The following OTUD7A variants were observed in gnomAD, a reference collection of about 807,000 sequenced individuals.
The protein encoded by OTUD7A is OTU domain-containing protein 7A.
A neutral mutation model predicts 65.7 loss-of-function variants in OTUD7A; 12 were observed. The ratio of observed to expected loss-of-function variants is 0.18; its 90% CI spans 0.12 to 0.30. The LOEUF (loss-of-function observed/expected upper bound fraction) is 0.30. Ranked by LOEUF, OTUD7A falls within the 10% of genes least tolerant of loss-of-function variation. The pLI is 1.00. For synonymous variants in OTUD7A, 641 were observed against 586.3 expected, an observed-to-expected ratio of 1.09 and a Z score of -1.35; for missense variants, 1,148 against 1,304.8, an observed-to-expected ratio of 0.88 and a Z score of 1.85.
intron 3 of OTUD7A, among the ~76,000 whole-genome samples, chr15:31,601,027 C>T (rs1367427433): frequency 6.6e-6 from 1 of 152,158 alleles, no homozygotes; most frequent in Non-Finnish European, 1.5e-5. Flanking sequence ...CTTAACAACC[C>T]ACTGCCAATA....
intron 1 of OTUD7A, among the ~76,000 whole-genome samples, chr15:31,747,969 TCC>T (rs1342891573): frequency 6.6e-6 from 1 of 152,140 alleles, no homozygotes; most frequent in African/African-American, 2.4e-5. Flanking sequence ...AATTAACTTG[TCC>T]ATGCTCTTGG....
intron 1 of OTUD7A, chr15:31,689,595 T>C (rs1328500280): frequency 6.6e-6 from 1 of 152,172 alleles, no homozygotes; most frequent in Non-Finnish European, 1.5e-5. Flanking sequence ...TATTAATGTT[T>C]CAAATTTTTA....
At chr15:31,683,492 T>C (rs1892766056) in intron 1 of OTUD7A, among the ~76,000 whole-genome samples, 1 of 152,224 alleles carries the variant, frequency 6.6e-6, no homozygotes, top group Non-Finnish European at 1.5e-5. Flanking sequence ...GGACAATTTA[T>C]GTGTAGTCCC....
chr15:31,806,051 A>T (rs1896261200), intron 1 of OTUD7A, among the ~76,000 whole-genome samples: 2 of 152,242 alleles, frequency 1.3e-5, no homozygotes, highest in Non-Finnish European at 2.9e-5. Context: ...ATTACATTCC[A>T]ACTAATCTAT....
At chr15:31,593,909 C>T (rs1281195042) in intron 3 of OTUD7A, among the ~76,000 whole-genome samples, 2 of 152,078 alleles carry the variant, frequency 1.3e-5, no homozygotes, top group African/African-American at 2.4e-5. Context: ...TGGAATAAAA[C>T]GTCATGCTGC....
intron 3 of OTUD7A, among the ~76,000 whole-genome samples, chr15:31,575,844 C>A (rs947065428): frequency 1.3e-5 from 2 of 152,102 alleles, no homozygotes; most frequent in Non-Finnish European, 2.9e-5. Context: ...GGACATAGTC[C>A]GTGAAGGGCA....
chr15:31,754,030 A>AT (rs1185299002), intron 1 of OTUD7A, among the ~76,000 whole-genome samples: 1 of 151,702 alleles, frequency 6.6e-6, no homozygotes, highest in African/African-American at 2.4e-5. Context: ...AACATCTACT[A>AT]TTTTTTGATT....
rs1405235367 is a variant in OTUD7A, at chr15:31,484,985, G to A, written c.1372-261C>T. ...CGTGTGTCTTCTGGCCAGGGAAGCT[G>A]GGGTGTACTCATTCTTTCTCTCTGG... On this transcript the variant is annotated intron_variant, in intron 12 of 12. Coordinates refer to ENST00000307050, the MANE Select transcript of OTUD7A (RefSeq NM_001382637.1). The surrounding 1 kb of genome is among the most constrained non-coding windows in gnomAD (Gnocchi z 4.5). Among the ~76,000 whole-genome samples, 1 of 152,206 alleles carries A rather than the reference G, an allele frequency of 6.6e-6. No homozygotes were observed. Among genetic ancestry groups the A allele is most frequent in the African/African-American group, 2.4e-5 (1 of 41,458 alleles).
chr15:31,759,507 A>G (rs1481148993), intron 1 of OTUD7A, among the ~76,000 whole-genome samples: 1 of 152,150 alleles, frequency 6.6e-6, no homozygotes, highest in Non-Finnish European at 1.5e-5. Context: ...CACCTAATAG[A>G]TCGTGGCTTA....
intron 1 of OTUD7A, among the ~76,000 whole-genome samples, chr15:31,844,492 G>A (rs561313768): frequency 5.8e-4 from 89 of 152,304 alleles, no homozygotes; most frequent in African/African-American, 1.9e-3. Flanking sequence ...GTGAGACTCC[G>A]TCTCATAAAA....
intron 3 of OTUD7A, among the ~76,000 whole-genome samples, chr15:31,604,981 C>T (rs933668775): frequency 2.0e-5 from 3 of 152,180 alleles, no homozygotes; most frequent in South Asian, 2.1e-4. Context: ...CAGAGCAGCC[C>T]GGGAGGCACA....
At chr15:31,531,520 C>CAAAAAAAAAAAAAAAAAAAAA (rs60332452) in intron 5 of OTUD7A, among the ~76,000 whole-genome samples, 2 of 80,156 alleles carry the variant, frequency 2.5e-5, no homozygotes, top group Non-Finnish European at 4.9e-5. Context: ...GAGTAGGCCA[C>CAAAAAAAAAAAAAAAAAAAAA]AAAAAAAAAA....
intron 4 of OTUD7A, among the ~76,000 whole-genome samples, chr15:31,568,248 T>C (rs1211127583): frequency 6.6e-6 from 1 of 152,172 alleles, no homozygotes; most frequent in Non-Finnish European, 1.5e-5. Flanking sequence ...GTCTTGGGAG[T>C]CCACCTCTTG....
chr15:31,565,801 C>G (rs1888850608), intron 4 of OTUD7A, among the ~76,000 whole-genome samples: 1 of 152,176 alleles, frequency 6.6e-6, no homozygotes, highest in South Asian at 2.1e-4. Context: ...GAATAACTCT[C>G]TCTCAATCCA....
chr15:31,537,980 G>A (rs1378411904), intron 5 of OTUD7A, among the ~76,000 whole-genome samples: 1 of 152,206 alleles, frequency 6.6e-6, no homozygotes, highest in Admixed American at 6.5e-5. Context: ...GCTTGTGTCT[G>A]GGGCTTTTCA....
chr15:31,633,479 G>C (rs1018289956), intron 3 of OTUD7A, among the ~76,000 whole-genome samples: 5 of 152,154 alleles, frequency 3.3e-5, no homozygotes, highest in Non-Finnish European at 5.9e-5. Context: ...TCTCATACCA[G>C]AAGCAGGGCT....
At chr15:31,863,848 C>T (rs1897809356) in intron 1 of OTUD7A, among the ~76,000 whole-genome samples, 1 of 152,198 alleles carries the variant, frequency 6.6e-6, no homozygotes, top group South Asian at 2.1e-4. Flanking sequence ...TTCTTTTCTA[C>T]TGCATTGTCA....
intron 1 of OTUD7A, among the ~76,000 whole-genome samples, chr15:31,720,541 C>T (rs1272311388): frequency 5.9e-5 from 9 of 151,824 alleles, no homozygotes; most frequent in African/African-American, 1.5e-4. Flanking sequence ...GCTGGGACTA[C>T]AGGCGCCCGC....
At chr15:31,665,198 T>C (rs1045979455) in intron 1 of OTUD7A, among the ~76,000 whole-genome samples, 7 of 152,218 alleles carry the variant, frequency 4.6e-5, no homozygotes, top group Non-Finnish European at 1.0e-4. Context: ...CTGTGAAGAA[T>C]GATGGCAGTA....
Sources: allele counts gnomAD v4.1 joint callset (sites outside exome capture counted in the v4.1 genomes callset), GRCh38; gene constraint gnomAD v4.1.1; non-coding constraint Gnocchi (gnomAD v3.1); transcripts MANE v1.5; gene names NCBI Gene and HGNC (gene_info 2026-07-23, HGNC 2026-07-21).